UMAD1: variants seen among roughly 807,000 people sequenced by gnomAD.
UMAD1 encodes UBAP1-MVB12-associated (UMA)-domain containing protein 1.
Under a neutral mutation model 6.1 loss-of-function variants are expected in UMAD1, and 8 were observed. The ratio of observed to expected loss-of-function variants is 1.30; its 90% CI spans 0.76 to 2.35. UMAD1 has a LOEUF of 2.35. UMAD1 is among the 30% of genes most tolerant of loss of function. The probability of loss-of-function intolerance (pLI) is 0.00; values close to 1 mark genes in which losing one functional copy is unlikely to be tolerated. For missense variants in UMAD1, 130 were observed against 78.4 expected (o/e 1.66, Z -2.49); for synonymous variants, 56 against 31.4 (o/e 1.78, Z -2.61).
intron 3 of UMAD1, among the ~76,000 whole-genome samples, chr7:7,855,654 T>A (rs1583875602): frequency 6.6e-6 from 1 of 152,340 alleles, no homozygotes; most frequent in East Asian, 1.9e-4. Context: ...GAGGAGCTGG[T>A]GCGAAGCTCT....
intron 2 of UMAD1, among the ~76,000 whole-genome samples, chr7:7,719,230 G>A (rs1230759874): frequency 1.3e-5 from 2 of 152,156 alleles, no homozygotes; most frequent in Non-Finnish European, 2.9e-5. Flanking sequence ...GATAACAAAT[G>A]TGTGATTTTG....
intron 3 of UMAD1, among the ~76,000 whole-genome samples, chr7:7,853,879 C>T (rs1583874387): frequency 1.3e-5 from 2 of 152,140 alleles, no homozygotes; most frequent in South Asian, 4.1e-4. Context: ...GATACCTTGT[C>T]TTGTTCCTGG....
At chr7:7,720,070 G>A (rs28912668) in intron 2 of UMAD1, among the ~76,000 whole-genome samples, 8,215 of 152,222 alleles carry the variant, frequency 0.054, 256 homozygotes, top group Middle Eastern at 0.12. Context: ...GTTTGAAAAT[G>A]TATGTCATTT....
rs10452825 is a variant in UMAD1, at chr7:7,815,156, T to A, written c.156+13413T>A. 7.9e-3 allele frequency among the ~76,000 whole-genome samples: 1,199 copies of A among 152,316 alleles called. 17 individuals are homozygous for A. The highest frequency in any genetic ancestry group is 0.026 in the African/African-American group (1,074 of 41,568). ...GATGGTTCCTCACAGTGGCAGATTT[T>A]CATAACCCTTGCTGTAGTATGGATA... On this transcript the variant is annotated intron_variant, in intron 3 of 3. Coordinates refer to ENST00000682710, the MANE Select transcript of UMAD1 (RefSeq NM_001302348.2).
chr7:7,664,641 T>C (rs1368658164), intron 1 of UMAD1, among the ~76,000 whole-genome samples: 1 of 152,232 alleles, frequency 6.6e-6, no homozygotes, highest in African/African-American at 2.4e-5. Context: ...CTTCTCTTCT[T>C]TGTTTATACA....
chr7:7,683,196 C>G (rs968900894), intron 2 of UMAD1, among the ~76,000 whole-genome samples: 3 of 152,132 alleles, frequency 2.0e-5, no homozygotes, highest in African/African-American at 7.2e-5. Context: ...TTAGTTGACT[C>G]AAACGTAAAT....
Position 7,770,978 on chromosome 7 carries a change from C to A in UMAD1, c.83-30692C>A, listed in dbSNP as rs1271123928. 4.6e-5 allele frequency among the ~76,000 whole-genome samples: 7 copies of A among 151,846 alleles called. No homozygotes were observed. In the East Asian group the frequency reaches 1.4e-3, roughly 29 times the overall value. On this transcript the variant is annotated intron_variant, in intron 2 of 3. Coordinates refer to ENST00000682710, the MANE Select transcript of UMAD1 (RefSeq NM_001302348.2). ...CTTGAGTTAGTCTTGGATAAGATCC[C>A]CTAGAGATGGAGTGAGAAGAGAGCA...
At chr7:7,853,955 A>ACACTTTAT (rs1225857372) in intron 3 of UMAD1, among the ~76,000 whole-genome samples, 3 of 152,184 alleles carry the variant, frequency 2.0e-5, no homozygotes, top group African/African-American at 7.2e-5. Context: ...TTCTATAGAC[A>ACACTTTAT]CACTTTATCA....
intron 2 of UMAD1, among the ~76,000 whole-genome samples, chr7:7,795,631 A>T (rs902596340): frequency 2.0e-5 from 3 of 152,116 alleles, no homozygotes; most frequent in Non-Finnish European, 4.4e-5. Flanking sequence ...CTAAACAAGG[A>T]TGGGTTATTC....
intron 3 of UMAD1, among the ~76,000 whole-genome samples, chr7:7,808,788 C>G (rs1165709464): frequency 6.6e-6 from 1 of 151,860 alleles, no homozygotes; most frequent in Non-Finnish European, 1.5e-5. Flanking sequence ...CCCCACAAAA[C>G]CATAATTCCA....
At chr7:7,801,888 G>C (rs1425684115) in intron 3 of UMAD1, 145 bp downstream of exon 3, 1 of 614,360 alleles carries the variant, frequency 1.6e-6, no homozygotes, top group Non-Finnish European at 2.9e-6. Context: ...CTGAAAGTCA[G>C]TGGAGAGCAG....
At chr7:7,754,481 G>T (rs945849275) in intron 2 of UMAD1, among the ~76,000 whole-genome samples, 1 of 152,082 alleles carries the variant, frequency 6.6e-6, no homozygotes, top group Non-Finnish European at 1.5e-5. Context: ...AGAGTTGTTT[G>T]AACTCCTTAT....
chr7:7,847,594 A>G (rs935969927), intron 3 of UMAD1, among the ~76,000 whole-genome samples: 3 of 151,888 alleles, frequency 2.0e-5, no homozygotes, highest in African/African-American at 7.3e-5. Flanking sequence ...ATTTCATTGC[A>G]TGTTACTCCC....
At chr7:7,748,329 AT>A (rs1781613867) in intron 2 of UMAD1, among the ~76,000 whole-genome samples, 1 of 152,110 alleles carries the variant, frequency 6.6e-6, no homozygotes, top group Non-Finnish European at 1.5e-5. Flanking sequence ...TAATATAATA[AT>A]TCCTTAAACC....
rs80069941 is a variant in UMAD1 at position 7,817,811 on chromosome 7, T to A, written c.156+16068T>A. ...TTACCTTTTAGATGTTTCAGTATGT[T>A]CCCCCCACCCCCTTTTCTTTGAGAC... On this transcript the variant is annotated intron_variant, in intron 3 of 3. Transcript: ENST00000682710. 6.6e-3 allele frequency among the ~76,000 whole-genome samples: 1,009 copies of A among 152,224 alleles called. 17 individuals carry two copies. The highest frequency in any genetic ancestry group is 0.023 in the African/African-American group (961 of 41,532).
At chr7:7,777,629 C>T (rs1335278210) in intron 2 of UMAD1, among the ~76,000 whole-genome samples, 1 of 125,442 alleles carries the variant, frequency 8.0e-6, no homozygotes, top group African/African-American at 3.3e-5. Flanking sequence ...GGCTTTTTAA[C>T]CTAGAAAAAA....
chr7:7,751,519 G>T (rs191026225), intron 2 of UMAD1, among the ~76,000 whole-genome samples: 163 of 152,226 alleles, frequency 1.1e-3, no homozygotes, highest in African/African-American at 3.7e-3. Context: ...GAAAAGTCAG[G>T]GAAACTAAAT....
intron 3 of UMAD1, among the ~76,000 whole-genome samples, chr7:7,822,684 G>A (rs756388586): frequency 1.3e-5 from 2 of 152,182 alleles, no homozygotes; most frequent in East Asian, 1.9e-4. Flanking sequence ...TAGCCATAAC[G>A]CTTTAGTGTA....
chr7:7,742,640 A>T (rs904089181), intron 2 of UMAD1: 1 of 339,486 alleles, frequency 2.9e-6, no homozygotes, highest in Non-Finnish European at 5.8e-6. Flanking sequence ...AAAGAACCAT[A>T]ATTTTCAAGT....
Sources: gnomAD v4.1 joint callset for allele counts (sites outside exome capture counted in the v4.1 genomes callset) on GRCh38, gnomAD v4.1.1 for gene constraint, MANE v1.5 for transcripts, NCBI Gene and HGNC (gene_info 2026-07-23, HGNC 2026-07-21) for gene names.